The following NSUN4 variants were observed in gnomAD, a reference collection of about 807,000 sequenced individuals.
NSUN4 encodes NOP2/Sun RNA methyltransferase 4.
Under a neutral mutation model 43.8 loss-of-function variants are expected in NSUN4, and 31 were observed. That is an observed-to-expected ratio of 0.71 (90% CI 0.53 to 0.96). The LOEUF (loss-of-function observed/expected upper bound fraction) is 0.96. Ranked by LOEUF, NSUN4 falls within the 40% of genes least tolerant of loss-of-function variation. NSUN4 has a pLI of 0.00. For missense variants in NSUN4, 439 were observed against 475.6 expected, an observed-to-expected ratio of 0.92 and a Z score of 0.72; for synonymous variants, 167 against 184.1, an observed-to-expected ratio of 0.91 and a Z score of 0.75.
At position 46,361,700 on chromosome 1, in the gene NSUN4, C is replaced by T. The variant is rs1663887396; in HGVS notation, c.1009C>T (p.Gln337Ter). ...GGCCAATCAATACAGCATCCAGGTA[C>T]AGGTGGAAGATCTGACTCACTTCCG... ...LLANQYSIQV[Q>*]VEDLTHFRRV... The change falls in exon 6 of 6, where the codon CAG (glutamine) becomes TAG (stop). Residue 337 changes from glutamine (Q) to a stop codon, truncating the protein, a stop_gained. Coordinates refer to ENST00000474844, the MANE Select transcript of NSUN4 (RefSeq NM_199044.4). LOFTEE classifies it high-confidence loss of function. The T allele has an allele frequency of 6.2e-7, 1 of 1,614,086 alleles. No individual in the cohort carries two copies. Among genetic ancestry groups the T allele is most frequent in the African/African-American group, 1.3e-5 (1 of 74,926 alleles).
intron 3 of NSUN4, among the ~76,000 whole-genome samples, chr1:46,349,226 G>A (rs576722685): frequency 4.7e-5 from 7 of 149,852 alleles, no homozygotes; most frequent in South Asian, 2.1e-4. Flanking sequence ...TGCAAACTCC[G>A]CCTCCCGGGT....
chr1:46,378,463 T>G, the NSUN4 span, among the ~76,000 whole-genome samples: 1 of 152,132 alleles, frequency 6.6e-6, no homozygotes, highest in Non-Finnish European at 1.5e-5. Flanking sequence ...TCCCAAAATG[T>G]TGGGATTACA....
In NSUN4 at chr1:46,341,906, C is replaced by T. The variant is rs533967151; in HGVS notation, c.93+987C>T. 4.1e-6 allele frequency: 5 copies of T among 1,232,956 alleles called. No individual in the cohort carries two copies. In the African/African-American group the frequency reaches 4.6e-5, roughly 11 times the overall value. 76.4% of individuals were successfully genotyped at this position (1,232,956 alleles called of 1,614,324 possible). On this transcript the variant is annotated intron_variant, in intron 1 of 5. Coordinates refer to ENST00000474844, the MANE Select transcript of NSUN4 (RefSeq NM_199044.4). The stretch of plus-strand genomic sequence containing the variant: ...AGCACACTAATCTCTGTTACTCTAG[C>T]GGATGGCCTTCAGCTTTTGGAACCA...
At chr1:46,365,367 T>C (rs1336695757), downstream of NSUN4, among the ~76,000 whole-genome samples, 1 of 151,924 alleles carries the variant, frequency 6.6e-6, no homozygotes, top group African/African-American at 2.4e-5. Flanking sequence ...TGAGATGGAG[T>C]CTCACTCTTT....
chr1:46,353,520 A>C (rs1184394816), intron 4 of NSUN4, among the ~76,000 whole-genome samples: 1 of 150,892 alleles, frequency 6.6e-6, no homozygotes, highest in Non-Finnish European at 1.5e-5. Context: ...TTTGTTGCCC[A>C]GGCTGGAGTG....
At chr1:46,380,205 G>A in the NSUN4 span, among the ~76,000 whole-genome samples, 1 of 152,136 alleles carries the variant, frequency 6.6e-6, no homozygotes, top group Non-Finnish European at 1.5e-5. Flanking sequence ...GAGGGTGCCA[G>A]GGAAGGTATT....
In NSUN4 at chr1:46,360,700, G is replaced by A. The variant is rs1490060694; in HGVS notation, c.754-4G>A. 1 of 1,613,716 alleles carries A rather than the reference G, an allele frequency of 6.2e-7. No homozygotes were observed. On this transcript the variant is annotated splice_region_variant and splice_polypyrimidine_tract_variant and intron_variant, in intron 4 of 5. Transcript: ENST00000474844. ...AATACTTTACCCTTTAACACTCTGG[G>A]TAGGTGCTGGTGGATGTGCCCTGTA... is the stretch of plus-strand genomic sequence containing the variant.
chr1:46,352,893 C>T lies in NSUN4; in HGVS notation c.618C>T (p.Ser206=). ...GCAATCTTGCTGCCAATGATCTCTC[C>T]CCGTCCCGAATAGCCAGACTACAGA... The part of the protein sequence containing the change: ...CCRNLAANDL[S]PSRIARLQKI... Residue 206 remains serine (S), a synonymous_variant, in exon 4 of 6, where the codon TCC becomes TCT. Coordinates refer to ENST00000474844, the MANE Select transcript of NSUN4 (RefSeq NM_199044.4). 1 of 1,614,118 alleles carries T rather than the reference C, an allele frequency of 6.2e-7. No homozygotes were observed. The highest frequency in any genetic ancestry group is 8.5e-7 in the Non-Finnish European group (1 of 1,179,974).
intron 3 of NSUN4, among the ~76,000 whole-genome samples, chr1:46,347,859 C>CTTTT (rs112974748): frequency 1.4e-5 from 2 of 143,162 alleles, no homozygotes; most frequent in African/African-American, 2.6e-5. Context: ...TTTTGACTTT[C>CTTTT]TTTTTTTTTT....
At chr1:46,383,073 C>T in the NSUN4 span, among the ~76,000 whole-genome samples, 1 of 152,306 alleles carries the variant, frequency 6.6e-6, no homozygotes, top group East Asian at 1.9e-4. Flanking sequence ...GTCTGGCATT[C>T]CTTCTGCTTC....
the NSUN4 span, among the ~76,000 whole-genome samples, chr1:46,372,143 GTT>G: frequency 2.9e-5 from 4 of 136,696 alleles, no homozygotes; most frequent in African/African-American, 5.4e-5. Context: ...CCTTTTTACT[GTT>G]TTTTTTTTTT....
At chr1:46,342,790 A>G (rs17357628) in intron 1 of NSUN4, 94,421 of 396,608 alleles carry the variant, frequency 0.24, 12,688 homozygotes, top group Non-Finnish European at 0.29. Flanking sequence ...AGACAGTCAC[A>G]TACTCCCCAC....
chr1:46,360,581 C>A, intron 4 of NSUN4, 123 bp from the exon 5 acceptor site: 1 of 938,848 alleles, frequency 1.1e-6, no homozygotes, highest in Non-Finnish European at 1.6e-6. Context: ...AGGTACTCTG[C>A]AAAGGAGGGA....
chr1:46,380,330 A>T, the NSUN4 span, among the ~76,000 whole-genome samples: 1 of 152,210 alleles, frequency 6.6e-6, no homozygotes, highest in African/African-American at 2.4e-5. Context: ...TGTGGGCAGG[A>T]GTAACTCTTG....
At chr1:46,360,249 A>AAAAAAAAAAAAAATATATATAT (rs1553177947) in intron 4 of NSUN4, among the ~76,000 whole-genome samples, 2 of 25,768 alleles carry the variant, frequency 7.8e-5, no homozygotes, top group African/African-American at 1.3e-4. Context: ...AAAAAAAAAA[A>AAAAAAAAAAAAAATATATATAT]ATATATATAT....
At chr1:46,372,028 TATC>T in the NSUN4 span, among the ~76,000 whole-genome samples, 1 of 152,152 alleles carries the variant, frequency 6.6e-6, no homozygotes, top group African/African-American at 2.4e-5. Flanking sequence ...ATCCAAACTC[TATC>T]AGAGTCCTTC....
At chr1:46,355,430 C>T (rs968716658) in intron 4 of NSUN4, among the ~76,000 whole-genome samples, 4 of 152,094 alleles carry the variant, frequency 2.6e-5, no homozygotes, top group Non-Finnish European at 4.4e-5. Flanking sequence ...AGAGAAGTTT[C>T]GGTGAGTTAC....
chr1:46,384,736 CCCTT>C, the NSUN4 span, among the ~76,000 whole-genome samples: 2 of 152,072 alleles, frequency 1.3e-5, no homozygotes, highest in Non-Finnish European at 2.9e-5. Flanking sequence ...ATGTGTCCAT[CCCTT>C]TCCGCTGTAT....
chr1:46,375,896 C>T, the NSUN4 span, among the ~76,000 whole-genome samples: 3 of 151,556 alleles, frequency 2.0e-5, no homozygotes, highest in East Asian at 1.9e-4. Context: ...CACCTGAGGT[C>T]GGGAGTTCAA....
Sources: allele counts gnomAD v4.1 joint callset (sites outside exome capture counted in the v4.1 genomes callset), GRCh38; gene constraint gnomAD v4.1.1; transcripts MANE v1.5; gene names NCBI Gene and HGNC (gene_info 2026-07-23, HGNC 2026-07-21).